Variants in PTK2B observed in about 807,000 individuals in gnomAD.
The protein encoded by PTK2B is protein tyrosine kinase 2 beta.
A neutral mutation model predicts 142.9 loss-of-function variants in PTK2B; 71 were observed. That is an observed-to-expected ratio of 0.50 (90% CI 0.41 to 0.61). The LOEUF (loss-of-function observed/expected upper bound fraction) is 0.61, where lower values mean the gene tolerates loss of function less well. Among genes scored for constraint, PTK2B ranks in the 20% least tolerant of loss-of-function variants. The pLI is 0.00. For missense variants in PTK2B, 1,105 were observed against 1,320.4 expected (o/e 0.84, Z 2.53); for synonymous variants, 519 against 503.4 (o/e 1.03, Z -0.42).
intron 24 of PTK2B, among the ~76,000 whole-genome samples, chr8:27,450,310 C>T (rs978315042): frequency 1.3e-5 from 2 of 152,122 alleles, no homozygotes; most frequent in Non-Finnish European, 2.9e-5. Context: ...GTGTGATGCT[C>T]TCCAACTAAG....
At chr8:27,434,069 T>A in intron 11 of PTK2B, 24 bp from the exon 12 acceptor site, 1 of 1,613,630 alleles carries the variant, frequency 6.2e-7, no homozygotes, top group Middle Eastern at 1.7e-4. Flanking sequence ...AGCTCCAACC[T>A]CCTCCTTCCT....
At chr8:27,414,165 G>C (rs141582391) in intron 2 of PTK2B, among the ~76,000 whole-genome samples, 1 of 152,270 alleles carries the variant, frequency 6.6e-6, no homozygotes, top group Admixed American at 6.5e-5. Context: ...TCTGCAAGGA[G>C]CTTTGGATTC....
chr8:27,335,220 A>G (rs1200462039), intron 1 of PTK2B, among the ~76,000 whole-genome samples: 2 of 152,208 alleles, frequency 1.3e-5, no homozygotes, highest in Non-Finnish European at 2.9e-5. Context: ...CACTTGTTCG[A>G]CAATCACCTC....
intron 1 of PTK2B, among the ~76,000 whole-genome samples, chr8:27,333,960 A>G (rs1803908299): frequency 6.6e-6 from 1 of 151,322 alleles, no homozygotes; most frequent in South Asian, 2.1e-4. Flanking sequence ...TCCTTTTCTC[A>G]CGCCAAACCA....
chr8:27,454,052 G>A (rs1024390355), intron 28 of PTK2B, 102 bp from the exon 29 acceptor site: 38 of 1,470,912 alleles, frequency 2.6e-5, no homozygotes, highest in Non-Finnish European at 3.0e-5. Context: ...CTTTCCAATC[G>A]GGCTGGTGGT....
rs57729364 is a variant in PTK2B, at chr8:27,357,994, C to A, written c.-38+32313C>A. 2.9e-3 allele frequency among the ~76,000 whole-genome samples: 439 copies of A among 152,260 alleles called. 19 individuals carry two copies. The East Asian group carries it at 0.075, about 26-fold the overall frequency. ...GTTTCTACTCTGTAAATTGGGGTTA[C>A]TAGTAGTAATTGGGGTAACCAAGCC... is the stretch of plus-strand genomic sequence containing the variant. On this transcript the variant is annotated intron_variant, in intron 1 of 30. Transcript: ENST00000346049.
intron 5 of PTK2B, among the ~76,000 whole-genome samples, chr8:27,426,039 G>A (rs1470982297): frequency 6.6e-6 from 1 of 152,062 alleles, no homozygotes; most frequent in African/African-American, 2.4e-5. Flanking sequence ...AGACACCTAG[G>A]ACCATTGTCC....
At chr8:27,423,008 AG>A (rs1809856415) in intron 5 of PTK2B, among the ~76,000 whole-genome samples, 1 of 152,182 alleles carries the variant, frequency 6.6e-6, no homozygotes, top group African/African-American at 2.4e-5. Flanking sequence ...AGCAGAGAAC[AG>A]GGGTCAGGGG....
At position 27,400,482 on chromosome 8, in the gene PTK2B, G is replaced by A. The variant is rs923092751; in HGVS notation, c.204+2694G>A. 3.3e-5 allele frequency among the ~76,000 whole-genome samples: 5 copies of A among 151,784 alleles called. No individual in the cohort carries two copies. The South Asian group carries it at 1.0e-3, about 32-fold the overall frequency. On this transcript the variant is annotated intron_variant, in intron 2 of 30. Coordinates refer to ENST00000346049, the MANE Select transcript of PTK2B (RefSeq NM_173176.3). ...AAAAAAAACCTGGCCAATGGGAGAT[G>A]GGTTAGGAGGCTGTGGTCATACTGC...
intron 1 of PTK2B, among the ~76,000 whole-genome samples, chr8:27,396,739 G>A (rs1396195039): frequency 6.6e-6 from 1 of 152,206 alleles, no homozygotes; most frequent in Admixed American, 6.5e-5. Context: ...CAGGACCAAT[G>A]TTGCTGATTC....
At chr8:27,428,890 T>C (rs1417420631) in intron 5 of PTK2B, among the ~76,000 whole-genome samples, 1 of 152,232 alleles carries the variant, frequency 6.6e-6, no homozygotes, top group African/African-American at 2.4e-5. Context: ...TTATTAGATA[T>C]TTCCTCTATG....
At chr8:27,404,104 A>G (rs964555307) in intron 2 of PTK2B, among the ~76,000 whole-genome samples, 2 of 152,088 alleles carry the variant, frequency 1.3e-5, no homozygotes, top group African/African-American at 4.8e-5. Flanking sequence ...TCTCAAATGT[A>G]TCATGATATG....
chr8:27,414,600 C>CTGTG (rs1432718944), intron 2 of PTK2B, among the ~76,000 whole-genome samples: 9 of 10,646 alleles, frequency 8.5e-4, no homozygotes, highest in African/African-American at 2.4e-3. Flanking sequence ...TTCTCTCTCT[C>CTGTG]TCTCTCTGTG....
intron 1 of PTK2B, among the ~76,000 whole-genome samples, chr8:27,387,741 T>C (rs1225491059): frequency 6.6e-6 from 1 of 152,156 alleles, no homozygotes; most frequent in Non-Finnish European, 1.5e-5. Flanking sequence ...AACAGTGAAT[T>C]TACAGTTAGC....
chr8:27,437,202 G>T lies in PTK2B; in HGVS notation c.1422G>T (p.Glu474Asp). 1 of 1,613,714 alleles carries T rather than the reference G, an allele frequency of 6.2e-7. No individual in the cohort carries two copies. The highest frequency in any genetic ancestry group is 8.5e-7 in the Non-Finnish European group (1 of 1,179,644). ...ACAACAAGGAGAAGTTCATGAGCGA[G>T]GCAGGTAGGGACCCCTGAGACCAAC... Reference protein sequence around the residue: ...TLDNKEKFMSEAVIMKNLDHP... With the variant: ...TLDNKEKFMSDAVIMKNLDHP... Residue 474 changes from glutamate (E) to aspartate (D), a missense_variant, in exon 16 of 31, where the codon GAG becomes GAT. By Grantham distance (45) the Glu-to-Asp change is conservative. Transcript: ENST00000346049.
chr8:27,376,976 G>A (rs1806710330), intron 1 of PTK2B, among the ~76,000 whole-genome samples: 2 of 152,076 alleles, frequency 1.3e-5, no homozygotes, highest in Non-Finnish European at 2.9e-5. Context: ...ACTTCTCTTG[G>A]GGTCTGGATC....
At chr8:27,310,541 G>A (rs1802906232), upstream of PTK2B, among the ~76,000 whole-genome samples, 2 of 152,390 alleles carry the variant, frequency 1.3e-5, no homozygotes, top group South Asian at 4.1e-4. Context: ...TCAGAAGCAA[G>A]TGTCGCTGTC....
rs545275382 is a variant in PTK2B, at chr8:27,450,734, C to T, written c.2341-15C>T. On this transcript the variant is annotated splice_polypyrimidine_tract_variant and intron_variant, in intron 24 of 30. Coordinates refer to ENST00000346049, the MANE Select transcript of PTK2B (RefSeq NM_173176.3). ...GCTCATTGCATCCTCTCCCTTCTCT[C>T]TGCCGTCCTCCCAGGAGGAGGACTT... 8 of 1,614,054 alleles carry T rather than the reference C, an allele frequency of 5.0e-6. No individual in the cohort carries two copies. In the South Asian group the frequency reaches 6.6e-5, roughly 13 times the overall value.
intron 27 of PTK2B, chr8:27,451,752 C>T (rs928169109): frequency 1.4e-5 from 19 of 1,371,692 alleles, no homozygotes; most frequent in Non-Finnish European, 1.8e-5. Flanking sequence ...TAGGCCCCTC[C>T]TCAGATCATC....
Sources: gnomAD v4.1 joint callset for allele counts (sites outside exome capture counted in the v4.1 genomes callset) on GRCh38, gnomAD v4.1.1 for gene constraint, MANE v1.5 for transcripts, NCBI Gene and HGNC (gene_info 2026-07-23, HGNC 2026-07-21) for gene names.